PKIB: variants seen among roughly 807,000 people sequenced by gnomAD.
The protein encoded by PKIB is cAMP-dependent protein kinase inhibitor beta.
A neutral mutation model predicts 4.5 loss-of-function variants in PKIB; 2 were observed. The ratio of observed to expected loss-of-function variants is 0.44; its 90% CI spans 0.18 to 1.39. PKIB has a LOEUF of 1.39. Among genes scored for constraint, PKIB ranks in the 40% most tolerant of loss-of-function variants. The pLI, the probability that PKIB is intolerant of heterozygous loss-of-function variation, is 0.27. For synonymous variants in PKIB, 38 were observed against 36.0 expected (o/e 1.06, Z -0.20); for missense variants, 94 against 92.6 (o/e 1.02, Z -0.06).
intron 2 of PKIB, chr6:122,479,365 A>G (rs1417755050): frequency 1.3e-5 from 2 of 152,200 alleles, no homozygotes; most frequent in African/African-American, 2.4e-5. Flanking sequence ...TTGAGGCACT[A>G]AGAATCAACA....
At chr6:122,618,890 A>G (rs1042982008) in intron 1 of PKIB, among the ~76,000 whole-genome samples, 1 of 152,134 alleles carries the variant, frequency 6.6e-6, no homozygotes, top group African/African-American at 2.4e-5. Context: ...TATATTTTAC[A>G]AAATATCTTC....
At chr6:122,670,621 A>G (rs1397660333) in intron 2 of PKIB, among the ~76,000 whole-genome samples, 1 of 152,128 alleles carries the variant, frequency 6.6e-6, no homozygotes, top group African/African-American at 2.4e-5. Context: ...GTTGCCAGCC[A>G]TCTTTCAACT....
At chr6:122,611,354 G>A (rs1046679125) in intron 1 of PKIB, among the ~76,000 whole-genome samples, 41 of 152,250 alleles carry the variant, frequency 2.7e-4, no homozygotes, top group African/African-American at 9.4e-4. Flanking sequence ...AACGGAACTC[G>A]GGTCCTTTAG....
chr6:122,596,759 G>T (rs2082194), intron 3 of PKIB, among the ~76,000 whole-genome samples: 122,914 of 152,094 alleles, frequency 0.81, 50,101 homozygotes, highest in South Asian at 0.95. Flanking sequence ...AGCATCCCTA[G>T]TTGCCACTGA....
chr6:122,473,129 A>G (rs1320639869), intron 1 of PKIB, among the ~76,000 whole-genome samples: 1 of 152,232 alleles, frequency 6.6e-6, no homozygotes, highest in Non-Finnish European at 1.5e-5. Context: ...AGAATAGTGG[A>G]AATGGAAATT....
At chr6:122,621,370 T>C (rs900406060) in intron 1 of PKIB, among the ~76,000 whole-genome samples, 1 of 152,156 alleles carries the variant, frequency 6.6e-6, no homozygotes, top group African/African-American at 2.4e-5. Flanking sequence ...GGAGATCAGG[T>C]TGAACTGAAC....
At chr6:122,547,114 G>A (rs9490479) in intron 2 of PKIB, among the ~76,000 whole-genome samples, 21,625 of 151,896 alleles carry the variant, frequency 0.14, 1,655 homozygotes, top group East Asian at 0.26. Context: ...TTTGGAGAAC[G>A]GGAACCTCAT....
At chr6:122,696,432 A>C (rs1778573541) in intron 3 of PKIB, among the ~76,000 whole-genome samples, 1 of 152,206 alleles carries the variant, frequency 6.6e-6, no homozygotes, top group African/African-American at 2.4e-5. Context: ...TGAATAATAA[A>C]AATTCTAAGG....
chr6:122,653,910 A>G (rs1336886827), intron 2 of PKIB, among the ~76,000 whole-genome samples: 1 of 152,158 alleles, frequency 6.6e-6, no homozygotes, highest in Non-Finnish European at 1.5e-5. Context: ...GTTAGCGGAG[A>G]TCGCGCCATT....
At chr6:122,635,630 A>G (rs949439144) in intron 2 of PKIB, among the ~76,000 whole-genome samples, 4 of 151,890 alleles carry the variant, frequency 2.6e-5, no homozygotes, top group Non-Finnish European at 4.4e-5. Flanking sequence ...TAATGTAGAC[A>G]TCAATAAAAT....
chr6:122,706,139 A>T (rs1044743503), intron 3 of PKIB, among the ~76,000 whole-genome samples: 1 of 151,704 alleles, frequency 6.6e-6, no homozygotes, highest in Non-Finnish European at 1.5e-5. Flanking sequence ...TTCCCTTTCT[A>T]CCTGTGTGGA....
intron 2 of PKIB, among the ~76,000 whole-genome samples, chr6:122,524,230 TTCCTCATCC>T (rs1374594685): frequency 2.0e-5 from 3 of 146,498 alleles, no homozygotes; most frequent in African/African-American, 7.5e-5. Context: ...CCTCCTCCTC[TTCCTCATCC>T]TCCTTCTTTT....
intron 2 of PKIB, among the ~76,000 whole-genome samples, chr6:122,525,547 C>T (rs1168293326): frequency 6.6e-6 from 1 of 152,088 alleles, no homozygotes; most frequent in Admixed American, 6.6e-5. Flanking sequence ...ACCACAAGAT[C>T]ACAACGAAGC....
chr6:122,543,046 C>T (rs532436612), intron 2 of PKIB, among the ~76,000 whole-genome samples: 1 of 152,076 alleles, frequency 6.6e-6, no homozygotes, highest in Non-Finnish European at 1.5e-5. Context: ...CCTGGTGTGC[C>T]ATTTTTTAAG....
intron 2 of PKIB, among the ~76,000 whole-genome samples, chr6:122,634,370 A>T (rs919766568): frequency 6.6e-6 from 1 of 152,100 alleles, no homozygotes; most frequent in African/African-American, 2.4e-5. Flanking sequence ...AAATAAATAA[A>T]TAATAAATAA....
At chr6:122,564,447 TTGTC>T (rs1261054732) in intron 2 of PKIB, among the ~76,000 whole-genome samples, 1 of 152,364 alleles carries the variant, frequency 6.6e-6, no homozygotes, top group Non-Finnish European at 1.5e-5. Context: ...TGCTTTGTGT[TTGTC>T]TGTCAGTCTT....
At chr6:122,696,045 C>T (rs1296463071) in intron 3 of PKIB, among the ~76,000 whole-genome samples, 1 of 152,132 alleles carries the variant, frequency 6.6e-6, no homozygotes, top group Non-Finnish European at 1.5e-5. Flanking sequence ...CTCCTTTATA[C>T]TTGCTTTAAT....
intron 3 of PKIB, among the ~76,000 whole-genome samples, chr6:122,677,858 C>A (rs199663546): frequency 7.5e-5 from 3 of 40,138 alleles, no homozygotes; most frequent in Admixed American, 6.4e-4. Flanking sequence ...TTCCTTCCTT[C>A]CTTCCTTCCT....
At chr6:122,502,344 A>T (rs1177637265) in intron 2 of PKIB, among the ~76,000 whole-genome samples, 1 of 151,810 alleles carries the variant, frequency 6.6e-6, no homozygotes, top group Non-Finnish European at 1.5e-5. Context: ...GTCTATTTTT[A>T]TGCCACTATA....
Sources: allele counts gnomAD v4.1 joint callset (sites outside exome capture counted in the v4.1 genomes callset), GRCh38; gene constraint gnomAD v4.1.1; transcripts MANE v1.5; gene names NCBI Gene and HGNC (gene_info 2026-07-23, HGNC 2026-07-21).